The following ARHGAP35 variants were observed in gnomAD, a reference collection of about 807,000 sequenced individuals.
ARHGAP35 encodes rho GTPase-activating protein 35.
Under a neutral mutation model 111.1 loss-of-function variants are expected in ARHGAP35, and 15 were observed. The ratio of observed to expected loss-of-function variants is 0.13; its 90% CI spans 0.09 to 0.21. The LOEUF (loss-of-function observed/expected upper bound fraction) is 0.21, where lower values mean the gene tolerates loss of function less well. Ranked by LOEUF, ARHGAP35 falls within the 10% of genes least tolerant of loss-of-function variation. The pLI, the probability that ARHGAP35 is intolerant of heterozygous loss-of-function variation, is 1.00. For synonymous variants in ARHGAP35, 643 were observed against 710.3 expected, an observed-to-expected ratio of 0.91 and a Z score of 1.51; for missense variants, 1,262 against 1,873.0, an observed-to-expected ratio of 0.67 and a Z score of 6.02.
intron 1 of ARHGAP35, among the ~76,000 whole-genome samples, chr19:46,874,230 C>T (rs932068651): frequency 4.6e-5 from 7 of 152,132 alleles, no homozygotes; most frequent in Non-Finnish European, 1.0e-4. Context: ...CAAAACATGC[C>T]TCTTCCTCTC....
In ARHGAP35 at chr19:46,918,540, G is replaced by A. The variant is rs1465315770; in HGVS notation, c.-136G>A. The A allele has an allele frequency of 7.8e-6, 6 of 767,280 alleles. No homozygotes were observed. Among genetic ancestry groups the A allele is most frequent in the African/African-American group, 5.2e-5 (3 of 57,438 alleles). The allele number at this position is 767,280 out of a possible 1,614,324, so 47.5% of individuals were successfully genotyped here. A position where few individuals can be genotyped will look rare whatever the true frequency, so the allele number is the denominator to read the frequency against. The stretch of plus-strand genomic sequence containing the variant: ...GAGGTGGTGAACAGTGACCATACTG[G>A]TATACAACACTATGGGACCTGGCAT... On this transcript the variant is annotated 5_prime_UTR_variant, in exon 2 of 7. Coordinates refer to ENST00000672722, the MANE Select transcript of ARHGAP35 (RefSeq NM_004491.5). This position sits in a 1 kb window ranked among gnomAD's most constrained non-coding sequence, Gnocchi z 5.4.
chr19:46,983,299 C>T (rs1475117994), intron 3 of ARHGAP35, among the ~76,000 whole-genome samples: 1 of 152,112 alleles, frequency 6.6e-6, no homozygotes, highest in Non-Finnish European at 1.5e-5. Context: ...CTGGTCTCAG[C>T]GTTCCTGTCT....
chr19:46,905,530 C>T (rs1241016275), intron 1 of ARHGAP35, among the ~76,000 whole-genome samples: 15 of 150,868 alleles, frequency 9.9e-5, no homozygotes, highest in South Asian at 6.3e-4. Flanking sequence ...CGCCTGCCAC[C>T]GCGCCCAGCT....
At position 46,989,488 on chromosome 19, in the gene ARHGAP35, T is replaced by C; in HGVS notation, c.3905-56T>C. 6.2e-7 allele frequency: 1 copy of C among 1,607,710 alleles called. No homozygotes were observed. The highest frequency in any genetic ancestry group is 8.5e-7 in the Non-Finnish European group (1 of 1,176,026). ...GCCTCTCCTGAGCCCCGAGTTGTCC[T>C]GATGCTTCTGCCTGGCTTAGAATGG... On this transcript the variant is annotated intron_variant, in intron 4 of 6. Coordinates refer to ENST00000672722, the MANE Select transcript of ARHGAP35 (RefSeq NM_004491.5). This position sits in a 1 kb window ranked among gnomAD's most constrained non-coding sequence, Gnocchi z 5.3.
chr19:46,924,464 C>T (rs1389016908), intron 2 of ARHGAP35, among the ~76,000 whole-genome samples: 1 of 152,240 alleles, frequency 6.6e-6, no homozygotes, highest in Non-Finnish European at 1.5e-5. Context: ...CTGTATCCCT[C>T]CCCACCTGTG....
At chr19:46,965,811 T>C (rs1416238514) in intron 3 of ARHGAP35, among the ~76,000 whole-genome samples, 1 of 152,182 alleles carries the variant, frequency 6.6e-6, no homozygotes, top group African/African-American at 2.4e-5. Context: ...AACTCCATGT[T>C]TCATTCCCAT....
chr19:46,904,916 T>C (rs1229536459), intron 1 of ARHGAP35, among the ~76,000 whole-genome samples: 1 of 152,176 alleles, frequency 6.6e-6, no homozygotes, highest in Non-Finnish European at 1.5e-5. Context: ...TCCGCGTTCC[T>C]GTTCTCCAGC....
rs370752028 is a variant in ARHGAP35, at chr19:46,918,978, T to C, written c.303T>C (p.Asp101=). The C allele has an allele frequency of 1.4e-5, 23 of 1,613,852 alleles. No individual in the cohort carries two copies. Among genetic ancestry groups the C allele is most frequent in the Admixed American group, 1.3e-4 (8 of 59,996 alleles). ...TTGTGGAGCAGACTGAATTTATTGA[T>C]GATCAGACTTTTCAACCTCATCGAA... is the stretch of plus-strand genomic sequence containing the variant. ...MHIVEQTEFI[D]DQTFQPHRST... is the part of the protein sequence containing the mutation. Residue 101 remains aspartate, a synonymous_variant, in exon 2 of 7, where the codon GAT becomes GAC. Coordinates refer to ENST00000672722, the MANE Select transcript of ARHGAP35 (RefSeq NM_004491.5). This position sits in a 1 kb window ranked among gnomAD's most constrained non-coding sequence, Gnocchi z 5.4.
At chr19:46,923,970 C>CT (rs2056224060) in intron 2 of ARHGAP35, among the ~76,000 whole-genome samples, 1 of 151,440 alleles carries the variant, frequency 6.6e-6, no homozygotes, top group Admixed American at 6.6e-5. Flanking sequence ...TATAAATACT[C>CT]TTTATTTTTT....
intron 1 of ARHGAP35, among the ~76,000 whole-genome samples, chr19:46,903,426 T>G (rs1223173786): frequency 6.6e-6 from 1 of 151,672 alleles, no homozygotes; most frequent in Non-Finnish European, 1.5e-5. Context: ...AGCCAGGGAG[T>G]GGGAGGTGAG....
chr19:46,866,460 G>A (rs2055857756), intron 1 of ARHGAP35, among the ~76,000 whole-genome samples: 1 of 152,182 alleles, frequency 6.6e-6, no homozygotes, highest in Admixed American at 6.5e-5. Context: ...TTCTGATCTA[G>A]GCCTTGTCCT....
Position 46,989,303 on chromosome 19 carries a change from C to G in ARHGAP35, c.3905-241C>G, listed in dbSNP as rs2056667313. 2 of 436,994 alleles carry G rather than the reference C, an allele frequency of 4.6e-6. No individual in the cohort carries two copies. The highest frequency in any genetic ancestry group is 2.0e-5 in the African/African-American group (1 of 50,688). The allele number at this position is 436,994 out of a possible 1,614,324, so 27.1% of individuals were successfully genotyped here. On this transcript the variant is annotated intron_variant, in intron 4 of 6. Coordinates refer to ENST00000672722, the MANE Select transcript of ARHGAP35 (RefSeq NM_004491.5). The surrounding 1 kb of genome is among the most constrained non-coding windows in gnomAD (Gnocchi z 5.3). ...AAACCAGCATGTGGGGGTAGCACCC[C>G]TGCCCCGAGAGTGGTAGAAGGGGCA...
At chr19:46,975,664 GC>G (rs2122304132) in intron 3 of ARHGAP35, among the ~76,000 whole-genome samples, 1 of 152,332 alleles carries the variant, frequency 6.6e-6, no homozygotes, top group Admixed American at 6.5e-5. Flanking sequence ...CTACGTTCCA[GC>G]CCTTTTCCTG....
chr19:46,876,366 T>A (rs1248543853), intron 1 of ARHGAP35, among the ~76,000 whole-genome samples: 1 of 151,608 alleles, frequency 6.6e-6, no homozygotes, highest in African/African-American at 2.4e-5. Context: ...GCCCAGCTAA[T>A]TTTTTTTAAA....
intron 1 of ARHGAP35, among the ~76,000 whole-genome samples, chr19:46,872,360 T>A (rs905080731): frequency 2.0e-4 from 30 of 152,180 alleles, no homozygotes; most frequent in African/African-American, 2.6e-4. Flanking sequence ...ACTTTTTTTT[T>A]AATTTTCCCA....
At chr19:46,863,323 G>C (rs1302952485) in intron 1 of ARHGAP35, among the ~76,000 whole-genome samples, 1 of 152,200 alleles carries the variant, frequency 6.6e-6, no homozygotes, top group Non-Finnish European at 1.5e-5. Context: ...TGAGAGATCT[G>C]GGTAAATAGG....
At chr19:46,867,608 A>G (rs1388855251) in intron 1 of ARHGAP35, among the ~76,000 whole-genome samples, 1 of 152,124 alleles carries the variant, frequency 6.6e-6, no homozygotes, top group Admixed American at 6.5e-5. Flanking sequence ...CTTGATTGTC[A>G]TCTCTCTCTC....
At chr19:46,868,186 A>G (rs1333733021) in intron 1 of ARHGAP35, among the ~76,000 whole-genome samples, 1 of 152,214 alleles carries the variant, frequency 6.6e-6, no homozygotes, top group Non-Finnish European at 1.5e-5. Context: ...GTATACTTTA[A>G]TCTGCATACT....
intron 1 of ARHGAP35, among the ~76,000 whole-genome samples, chr19:46,866,122 C>T (rs1001356717): frequency 1.3e-5 from 2 of 152,164 alleles, no homozygotes; most frequent in South Asian, 2.1e-4. Flanking sequence ...ATTACAGGCA[C>T]GAGCTACTGC....
Sources: allele counts gnomAD v4.1 joint callset (sites outside exome capture counted in the v4.1 genomes callset), GRCh38; gene constraint gnomAD v4.1.1; non-coding constraint Gnocchi (gnomAD v3.1); transcripts MANE v1.5; gene names NCBI Gene and HGNC (gene_info 2026-07-23, HGNC 2026-07-21).